Variants in DCDC2C observed in about 807,000 individuals in gnomAD.
DCDC2C encodes doublecortin domain-containing protein 2C.
DCDC2C carries 44 observed loss-of-function variants against 45.0 expected under a neutral mutation model. The observed-to-expected ratio is 0.98, with a 90% CI of 0.77 to 1.26. DCDC2C has a LOEUF of 1.26. Ranked by LOEUF, DCDC2C falls within the 50% of genes most tolerant of loss-of-function variation. The pLI is 0.00. For missense variants in DCDC2C, 447 were observed against 468.9 expected, an observed-to-expected ratio of 0.95 and a Z score of 0.43; for synonymous variants, 187 against 178.8, an observed-to-expected ratio of 1.05 and a Z score of -0.37.
intron 10 of DCDC2C, among the ~76,000 whole-genome samples, chr2:3,829,492 C>T (rs116379478): frequency 0.014 from 2,091 of 152,048 alleles, 41 homozygotes; most frequent in African/African-American, 0.045. Context: ...GTTGCCTGCC[C>T]GACCTGCCTT....
chr2:3,703,747 C>A lies in DCDC2C; in HGVS notation c.-5C>A, dbSNP rs1294742284. On this transcript the variant is annotated 5_prime_UTR_variant, in exon 1 of 11. Transcript: ENST00000399143. The surrounding 1 kb of genome is among the most constrained non-coding windows in gnomAD (Gnocchi z 4.4). ...GCCCCGGCGAGCGAGGAGCGGGGCG[C>A]GGCTATGGGAACCCGCGGGCCCTCC... is the stretch of plus-strand genomic sequence containing the variant. 4.9e-6 allele frequency: 6 copies of A among 1,230,764 alleles called. No individual in the cohort carries two copies. The highest frequency in any genetic ancestry group is 5.1e-6 in the Non-Finnish European group (5 of 986,710). 76.2% of individuals were successfully genotyped at this position (1,230,764 alleles called of 1,614,324 possible).
chr2:3,754,682 G>T, intron 6 of DCDC2C, 48 bp downstream of exon 6: 2 of 1,506,144 alleles, frequency 1.3e-6, no homozygotes, highest in Non-Finnish European at 9.0e-7. Flanking sequence ...TGATTCTGGC[G>T]TCTTCTGGCA....
chr2:3,724,167 A>C (rs1403946645), intron 2 of DCDC2C, among the ~76,000 whole-genome samples: 3 of 152,232 alleles, frequency 2.0e-5, no homozygotes, highest in Non-Finnish European at 2.9e-5. Flanking sequence ...AGAGAAGTGT[A>C]GCTGCTTCTC....
chr2:3,821,123 G>T (rs767831704), intron 10 of DCDC2C, among the ~76,000 whole-genome samples: 30 of 152,174 alleles, frequency 2.0e-4, no homozygotes, highest in Admixed American at 1.1e-3. Flanking sequence ...CAATCAAAGG[G>T]GATTGTTCTC....
intron 10 of DCDC2C, among the ~76,000 whole-genome samples, chr2:3,788,834 T>C (rs28564148): frequency 0.68 from 75,530 of 110,546 alleles, 26,427 homozygotes; most frequent in East Asian, 0.91. Context: ...TTCCCTCCCT[T>C]CCCCAACCCT....
intron 6 of DCDC2C, among the ~76,000 whole-genome samples, chr2:3,766,965 G>C (rs1199373458): frequency 1.3e-5 from 2 of 152,232 alleles, no homozygotes; most frequent in Admixed American, 6.5e-5. Context: ...GCTGGGCAGT[G>C]ACGGCCACAG....
chr2:3,755,138 T>C (rs1406635432), intron 6 of DCDC2C, among the ~76,000 whole-genome samples: 5 of 146,554 alleles, frequency 3.4e-5, no homozygotes, highest in Admixed American at 1.3e-4. Flanking sequence ...TGTGGAGGCA[T>C]GTGTGTGTAT....
intron 10 of DCDC2C, among the ~76,000 whole-genome samples, chr2:3,832,534 C>T (rs1671976590): frequency 6.6e-6 from 1 of 152,222 alleles, no homozygotes; most frequent in African/African-American, 2.4e-5. Context: ...CACAGTGAAG[C>T]TGGCTGCTCT....
chr2:3,789,064 C>T (rs1206167665), intron 10 of DCDC2C, among the ~76,000 whole-genome samples: 1 of 152,106 alleles, frequency 6.6e-6, no homozygotes, highest in African/African-American at 2.4e-5. Flanking sequence ...GTTGGCCAGG[C>T]TGATCTTGAA....
chr2:3,785,613 C>T (rs896553634), intron 10 of DCDC2C, among the ~76,000 whole-genome samples: 9 of 152,126 alleles, frequency 5.9e-5, no homozygotes, highest in Non-Finnish European at 1.5e-5. Context: ...CACCTGGCAG[C>T]GGAAGGTGCT....
At chr2:3,840,208 A>G (rs1190067678) in intron 10 of DCDC2C, among the ~76,000 whole-genome samples, 4 of 152,262 alleles carry the variant, frequency 2.6e-5, no homozygotes, top group Non-Finnish European at 5.9e-5. Context: ...TTTACAAAGC[A>G]GCTGCTGTGT....
chr2:3,846,845 C>T (rs565375727), intron 10 of DCDC2C, among the ~76,000 whole-genome samples: 76 of 152,230 alleles, frequency 5.0e-4, no homozygotes, highest in Admixed American at 1.9e-3. Context: ...AAGGAAGGGG[C>T]AGAGGAATGT....
In DCDC2C at chr2:3,847,470, A is replaced by G; in HGVS notation, c.*287A>G. 1 of 266,048 alleles carries G rather than the reference A, an allele frequency of 3.8e-6. No individual in the cohort carries two copies. Among genetic ancestry groups the G allele is most frequent in the African/African-American group, 2.2e-5 (1 of 45,590 alleles). The allele number at this position is 266,048 out of a possible 1,614,324, so 16.5% of individuals were successfully genotyped here. On this transcript the variant is annotated 3_prime_UTR_variant, in exon 11 of 11. Coordinates refer to ENST00000399143, the MANE Select transcript of DCDC2C (RefSeq NM_001287444.2). The stretch of plus-strand genomic sequence containing the variant: ...ATTCAGAAAGTGAGAAGAATTTGAA[A>G]AAACGTGTGTATATTTTCCCCTCAT...
chr2:3,758,282 T>TG (rs1284678940), intron 6 of DCDC2C, among the ~76,000 whole-genome samples: 1 of 152,154 alleles, frequency 6.6e-6, no homozygotes, highest in Non-Finnish European at 1.5e-5. Flanking sequence ...AGGACTCCTG[T>TG]GGGCAGCCAT....
chr2:3,760,182 T>C (rs1242260689), intron 6 of DCDC2C, among the ~76,000 whole-genome samples: 3 of 152,266 alleles, frequency 2.0e-5, no homozygotes, highest in Non-Finnish European at 2.9e-5. Context: ...TTGAAAGATG[T>C]GAGAGCACAG....
chr2:3,778,892 C>G lies in DCDC2C; in HGVS notation c.1023+8C>G. ...GATTTTGAGGGCAACAAGGTGAGTTCATTTTATTTTGTGTTTAATGGCTTG... is the reference window on the plus strand; with the variant it reads ...GATTTTGAGGGCAACAAGGTGAGTTGATTTTATTTTGTGTTTAATGGCTTG... On this transcript the variant is annotated splice_region_variant and intron_variant, in intron 9 of 10. Transcript: ENST00000399143. The G allele has an allele frequency of 6.4e-7, 1 of 1,550,440 alleles. No homozygotes were observed. The highest frequency in any genetic ancestry group is 8.7e-7 in the Non-Finnish European group (1 of 1,146,766).
chr2:3,710,913 T>C (rs949346008), intron 2 of DCDC2C, among the ~76,000 whole-genome samples: 1 of 152,220 alleles, frequency 6.6e-6, no homozygotes, highest in Non-Finnish European at 1.5e-5. Flanking sequence ...AGTGCTGCAA[T>C]GAATGTATGA....
At position 3,703,729 on chromosome 2, in the gene DCDC2C, C is replaced by A. The variant is rs1667937483; in HGVS notation, c.-23C>A. 8.1e-7 allele frequency: 1 copy of A among 1,228,546 alleles called. No homozygotes were observed. Among genetic ancestry groups the A allele is most frequent in the East Asian group, 3.2e-5 (1 of 31,480 alleles). 76.1% of individuals were successfully genotyped at this position (1,228,546 alleles called of 1,614,324 possible). A position where few individuals can be genotyped will look rare whatever the true frequency, so the allele number is the denominator to read the frequency against. On this transcript the variant is annotated 5_prime_UTR_variant, in exon 1 of 11. Transcript: ENST00000399143. This position sits in a 1 kb window ranked among gnomAD's most constrained non-coding sequence, Gnocchi z 4.4. The stretch of plus-strand genomic sequence containing the variant: ...CGCTGCCGCAGCCTCTCGGCCCCGG[C>A]GAGCGAGGAGCGGGGCGCGGCTATG...
chr2:3,812,020 C>T (rs528331459), intron 10 of DCDC2C, among the ~76,000 whole-genome samples: 3 of 150,026 alleles, frequency 2.0e-5, no homozygotes, highest in South Asian at 2.1e-4. Context: ...ATGTTAATCA[C>T]GGGTATTGGC....
Sources: allele counts gnomAD v4.1 joint callset (sites outside exome capture counted in the v4.1 genomes callset), GRCh38; gene constraint gnomAD v4.1.1; non-coding constraint Gnocchi (gnomAD v3.1); transcripts MANE v1.5; gene names NCBI Gene and HGNC (gene_info 2026-07-23, HGNC 2026-07-21).